Variants in ARPP19 observed in about 807,000 individuals in gnomAD.
ARPP19 encodes cAMP-regulated phosphoprotein 19.
Under a neutral mutation model 12.0 loss-of-function variants are expected in ARPP19, and 8 were observed. That is an observed-to-expected ratio of 0.67 (90% confidence interval 0.39 to 1.21). The LOEUF is 1.21. ARPP19 is among the 50% of genes most tolerant of loss of function. The pLI, the probability that ARPP19 is intolerant of heterozygous loss-of-function variation, is 0.01. For synonymous variants in ARPP19, 47 were observed against 50.4 expected (o/e 0.93, Z 0.29); for missense variants, 102 against 136.3 (o/e 0.75, Z 1.25).
At chr15:52,563,034 CCTGG>C (rs2078049893) in intron 1 of ARPP19, among the ~76,000 whole-genome samples, 1 of 151,830 alleles carries the variant, frequency 6.6e-6, no homozygotes, top group Non-Finnish European at 1.5e-5. Flanking sequence ...CATCACCGCA[CCTGG>C]CTGATTTTTG....
Position 52,548,081 on chromosome 15 carries a change from G to A in ARPP19, c.*3853C>T, listed in dbSNP as rs1207484865. On this transcript the variant is annotated 3_prime_UTR_variant, in exon 3 of 3. Coordinates refer to ENST00000249822, the MANE Select transcript of ARPP19 (RefSeq NM_006628.6). ...ACCCAAACACCAATTTTAGAGCAGAGGAGCAGTAATCCCCTTTATCTGCAA... is the reference window on the plus strand; with the variant it reads ...ACCCAAACACCAATTTTAGAGCAGAAGAGCAGTAATCCCCTTTATCTGCAA... The A allele has an allele frequency of 6.6e-6, 1 of 152,246 alleles. No homozygotes were observed. The highest frequency in any genetic ancestry group is 2.4e-5 in the African/African-American group (1 of 41,474). The allele number at this position is 152,246 out of a possible 1,614,324, so 9.4% of individuals were successfully genotyped here. A position where few individuals can be genotyped will look rare whatever the true frequency, so the allele number is the denominator to read the frequency against.
chr15:52,563,132 C>T (rs930672762), intron 1 of ARPP19, among the ~76,000 whole-genome samples: 1 of 152,028 alleles, frequency 6.6e-6, no homozygotes, highest in Non-Finnish European at 1.5e-5. Flanking sequence ...CCTCTGCCTC[C>T]CAAAGTGCTG....
chr15:52,564,158 G>T, intron 1 of ARPP19: 1 of 1,479,186 alleles, frequency 6.8e-7, no homozygotes. Context: ...AGACGGCTAA[G>T]AGAAACATTT....
rs2077902707 is a variant in ARPP19 at position 52,548,823 on chromosome 15, T to C, written c.*3111A>G. 6.6e-6 allele frequency: 1 copy of C among 152,628 alleles called. No individual in the cohort carries two copies. Among genetic ancestry groups the C allele is most frequent in the Non-Finnish European group, 1.5e-5 (1 of 68,024 alleles). 9.5% of individuals were successfully genotyped at this position (152,628 alleles called of 1,614,324 possible). On this transcript the variant is annotated 3_prime_UTR_variant, in exon 3 of 3. Coordinates refer to ENST00000249822, the MANE Select transcript of ARPP19 (RefSeq NM_006628.6). ...AACACAAGCCTGATTTAGTAAAAAG[T>C]ATCCATAAATATTCAGAGGTATAGT...
chr15:52,554,487 CGAT>C (rs1455740831), intron 2 of ARPP19, among the ~76,000 whole-genome samples: 1 of 152,048 alleles, frequency 6.6e-6, no homozygotes, highest in African/African-American at 2.4e-5. Flanking sequence ...CAGATAACAA[CGAT>C]GATGATATGT....
rs375298232 is a variant in ARPP19 at position 52,548,680 on chromosome 15, C to G, written c.*3254G>C. ...GAAAAAACATAGTTGATAAAGGGTT[C>G]AGTACTATCTGAGGTTTCAGGCATC... is the stretch of plus-strand genomic sequence containing the variant. On this transcript the variant is annotated 3_prime_UTR_variant, in exon 3 of 3. Coordinates refer to ENST00000249822, the MANE Select transcript of ARPP19 (RefSeq NM_006628.6). 6.6e-6 allele frequency: 1 copy of G among 152,342 alleles called. No homozygotes were observed. The highest frequency in any genetic ancestry group is 1.9e-4 in the East Asian group (1 of 5,196). The allele number at this position is 152,342 out of a possible 1,614,324, so 9.4% of individuals were successfully genotyped here.
intron 1 of ARPP19, among the ~76,000 whole-genome samples, chr15:52,561,231 T>C (rs1568954): frequency 0.088 from 13,362 of 152,224 alleles, 1,210 homozygotes; most frequent in East Asian, 0.48. Context: ...TAAGCTAGAA[T>C]GAAAACAAAG....
intron 1 of ARPP19, chr15:52,568,222 A>G (rs1430266004): frequency 1.3e-5 from 2 of 152,246 alleles, no homozygotes; most frequent in African/African-American, 4.8e-5. Flanking sequence ...GTCAAGTACC[A>G]TATTTGAGTC....
At chr15:52,568,733 C>T in intron 1 of ARPP19, 115 bp downstream of exon 1, 2 of 647,572 alleles carry the variant, frequency 3.1e-6, no homozygotes, top group Non-Finnish European at 4.9e-6. Context: ...GCAGGAGCCT[C>T]GGCCTCATGC....
chr15:52,559,075 T>C (rs2078009139), intron 1 of ARPP19, among the ~76,000 whole-genome samples: 1 of 152,244 alleles, frequency 6.6e-6, no homozygotes, highest in Non-Finnish European at 1.5e-5. Context: ...TCGGAGAATT[T>C]TGAGAAAAAA....
At chr15:52,553,693 G>A (rs1156290783) in intron 2 of ARPP19, among the ~76,000 whole-genome samples, 2 of 126,854 alleles carry the variant, frequency 1.6e-5, no homozygotes, top group East Asian at 4.0e-4. Context: ...CTTGGACAAA[G>A]GGTGAAGGGG....
At chr15:52,556,348 C>G (rs1265000369) in intron 2 of ARPP19, among the ~76,000 whole-genome samples, 1 of 152,046 alleles carries the variant, frequency 6.6e-6, no homozygotes, top group Non-Finnish European at 1.5e-5. Flanking sequence ...ATGGAACTCT[C>G]TAATTTTTTA....
chr15:52,549,235 TTC>T lies in ARPP19; in HGVS notation c.*2697_*2698del, dbSNP rs1240512685. The stretch of plus-strand genomic sequence containing the variant: ...TAGGACAGTTATTAAAATTAACCAT[TTC>T]TGAGACTGTAACTTTGAAATTGTAA... On this transcript the variant is annotated 3_prime_UTR_variant, in exon 3 of 3. Coordinates refer to ENST00000249822, the MANE Select transcript of ARPP19 (RefSeq NM_006628.6). 6 of 152,216 alleles carry T rather than the reference TTC, an allele frequency of 3.9e-5. No individual in the cohort carries two copies. Among genetic ancestry groups the T allele is most frequent in the African/African-American group, 1.4e-4 (6 of 41,450 alleles). The allele number at this position is 152,216 out of a possible 1,614,324, so 9.4% of individuals were successfully genotyped here. A position where few individuals can be genotyped will look rare whatever the true frequency, so the allele number is the denominator to read the frequency against.
chr15:52,560,217 G>A (rs1054383911), intron 1 of ARPP19, among the ~76,000 whole-genome samples: 3 of 151,020 alleles, frequency 2.0e-5, no homozygotes, highest in South Asian at 2.1e-4. Flanking sequence ...GGCTGGTCTC[G>A]AACTCCTGAC....
chr15:52,550,514 T>G lies in ARPP19; in HGVS notation c.*1420A>C, dbSNP rs536589260. ...AACAATTGTAGAATATTAGTAATAA[T>G]AAAGGATCAAGAATAGTTAACTTGA... On this transcript the variant is annotated 3_prime_UTR_variant, in exon 3 of 3. Transcript: ENST00000249822. 1 of 152,122 alleles carries G rather than the reference T, an allele frequency of 6.6e-6. No individual in the cohort carries two copies. Among genetic ancestry groups the G allele is most frequent in the Admixed American group, 6.5e-5 (1 of 15,276 alleles). 9.4% of individuals were successfully genotyped at this position (152,122 alleles called of 1,614,324 possible).
At chr15:52,564,286 C>A (rs1161051628) in intron 1 of ARPP19, 3 of 1,431,444 alleles carry the variant, frequency 2.1e-6, no homozygotes, top group Non-Finnish European at 2.9e-6. Flanking sequence ...CGGTTGCTCA[C>A]ACCTGCAGTC....
intron 1 of ARPP19, among the ~76,000 whole-genome samples, chr15:52,565,455 G>T (rs757262151): frequency 8.0e-4 from 121 of 152,194 alleles, no homozygotes; most frequent in Non-Finnish European, 1.4e-3. Context: ...TCACTTCAGT[G>T]GTTATCTCAA....
At chr15:52,564,512 A>C (rs953689112) in intron 1 of ARPP19, among the ~76,000 whole-genome samples, 2 of 152,226 alleles carry the variant, frequency 1.3e-5, no homozygotes, top group African/African-American at 4.8e-5. Flanking sequence ...AAAATACTGG[A>C]AGCATGGGAA....
upstream of ARPP19, chr15:52,569,143 G>T (rs2078118301): frequency 3.9e-6 from 2 of 515,052 alleles, no homozygotes; most frequent in East Asian, 3.7e-5. Flanking sequence ...GCTCGCTGTC[G>T]TCCAAACACT....
Sources: allele counts gnomAD v4.1 joint callset (sites outside exome capture counted in the v4.1 genomes callset), GRCh38; gene constraint gnomAD v4.1.1; transcripts MANE v1.5; gene names NCBI Gene and HGNC (gene_info 2026-07-23, HGNC 2026-07-21).